RAD51B: variants seen among roughly 807,000 people sequenced by gnomAD.
The protein encoded by RAD51B is RAD51 paralog B.
RAD51B carries 38 observed loss-of-function variants against 42.2 expected under a neutral mutation model. The observed-to-expected ratio is 0.90, with a 90% CI of 0.70 to 1.18. The LOEUF (loss-of-function observed/expected upper bound fraction) is 1.18. Ranked by LOEUF, RAD51B falls within the 50% of genes most tolerant of loss-of-function variation. The probability of loss-of-function intolerance (pLI) is 0.00; values close to 1 mark genes in which losing one functional copy is unlikely to be tolerated. For missense variants in RAD51B, 373 were observed against 400.7 expected, an observed-to-expected ratio of 0.93 and a Z score of 0.59; for synonymous variants, 154 against 145.2, an observed-to-expected ratio of 1.06 and a Z score of -0.43.
intron 7 of RAD51B, among the ~76,000 whole-genome samples, chr14:67,937,200 T>C (rs1163224437): frequency 6.6e-6 from 1 of 152,224 alleles, no homozygotes; most frequent in African/African-American, 2.4e-5. Context: ...AATCCATATG[T>C]AATACAATTA....
At chr14:68,275,872 AT>A (rs943980164) in intron 7 of RAD51B, among the ~76,000 whole-genome samples, 1 of 149,384 alleles carries the variant, frequency 6.7e-6, no homozygotes, top group African/African-American at 2.5e-5. Flanking sequence ...TGTTATTTCT[AT>A]TTTTTTGTCC....
chr14:67,837,796 T>C (rs1344538076), intron 4 of RAD51B, among the ~76,000 whole-genome samples: 1 of 152,218 alleles, frequency 6.6e-6, no homozygotes, highest in Non-Finnish European at 1.5e-5. Flanking sequence ...TTGTGTGTGT[T>C]CGGAACATCC....
chr14:68,007,242 G>A (rs1234419566), intron 7 of RAD51B, among the ~76,000 whole-genome samples: 2 of 152,034 alleles, frequency 1.3e-5, no homozygotes, highest in African/African-American at 4.8e-5. Flanking sequence ...ATATTTCAGT[G>A]TATGGATATA....
chr14:68,650,703 T>A, intron 10 of RAD51B: 1 of 690,292 alleles, frequency 1.4e-6, no homozygotes, highest in South Asian at 1.5e-5. Flanking sequence ...CTATCACCCT[T>A]TAAGAAAGCC....
At chr14:68,199,701 G>A (rs1433493695) in intron 7 of RAD51B, among the ~76,000 whole-genome samples, 1 of 152,208 alleles carries the variant, frequency 6.6e-6, no homozygotes, top group East Asian at 1.9e-4. Flanking sequence ...AATAGAGGAT[G>A]TCTACAGCCA....
chr14:68,670,819 C>CTTTG lies in RAD51B; in HGVS notation c.*11+19963_*11+19964insTTTG, dbSNP rs528174518. 3.3e-4 allele frequency among the ~76,000 whole-genome samples: 51 copies of CTTTG among 152,336 alleles called. No homozygotes were observed. The East Asian group carries it at 9.6e-3, about 29-fold the overall frequency. On this transcript the variant is annotated intron_variant, in intron 11 of 11. Coordinates refer to the RAD51B transcript ENST00000488612. ...GAGACACAAATATCTCATTTCAGTA[C>CTTTG]CAAAGACCCTTTCTTTCTTATCACT...
chr14:68,352,644 C>T (rs191624077), intron 8 of RAD51B, among the ~76,000 whole-genome samples: 230 of 152,366 alleles, frequency 1.5e-3, no homozygotes, highest in Non-Finnish European at 1.8e-3. Flanking sequence ...GGCCTGGACT[C>T]TTCCCCAGAA....
chr14:68,000,280 C>G (rs2075457658), intron 7 of RAD51B: 1 of 152,114 alleles, frequency 6.6e-6, no homozygotes, highest in African/African-American at 2.4e-5. Flanking sequence ...CAAGAATTTG[C>G]TGAATTGCTT....
intron 7 of RAD51B, among the ~76,000 whole-genome samples, chr14:67,966,857 T>C (rs1215742559): frequency 6.6e-6 from 1 of 152,232 alleles, no homozygotes; most frequent in East Asian, 1.9e-4. Flanking sequence ...ACTTCTTACA[T>C]ACAGTATTAT....
intron 7 of RAD51B, among the ~76,000 whole-genome samples, chr14:68,227,768 C>G (rs1020583197): frequency 5.3e-5 from 8 of 152,162 alleles, no homozygotes; most frequent in Admixed American, 2.6e-4. Context: ...ATCCTAAGTT[C>G]AAATCCCTGC....
At chr14:68,194,184 G>A (rs1166881661) in intron 7 of RAD51B, among the ~76,000 whole-genome samples, 1 of 152,178 alleles carries the variant, frequency 6.6e-6, no homozygotes, top group Non-Finnish European at 1.5e-5. Context: ...TTTGAGAAGA[G>A]GCAATTGCTA....
chr14:68,373,817 C>T (rs1010004336), intron 8 of RAD51B, among the ~76,000 whole-genome samples: 49 of 152,182 alleles, frequency 3.2e-4, no homozygotes, highest in African/African-American at 1.1e-3. Flanking sequence ...ATTTTAAGTT[C>T]AGTCTTTGTT....
At chr14:67,828,917 T>C (rs981095354) in intron 3 of RAD51B, among the ~76,000 whole-genome samples, 4 of 152,240 alleles carry the variant, frequency 2.6e-5, no homozygotes, top group African/African-American at 9.6e-5. Context: ...TTGGATAGCA[T>C]GATGCCTGCA....
At chr14:68,343,398 A>G (rs1324931189) in intron 8 of RAD51B, among the ~76,000 whole-genome samples, 2 of 152,198 alleles carry the variant, frequency 1.3e-5, no homozygotes, top group Admixed American at 1.3e-4. Flanking sequence ...TTTTAGGGTC[A>G]GGTCTAAAAT....
intron 7 of RAD51B, among the ~76,000 whole-genome samples, chr14:67,938,216 G>T (rs2045027939): frequency 6.6e-6 from 1 of 152,188 alleles, no homozygotes; most frequent in Admixed American, 6.5e-5. Context: ...GAATAACAAT[G>T]CAGTTCTCCC....
intron 7 of RAD51B, among the ~76,000 whole-genome samples, chr14:68,154,253 G>A (rs1406669395): frequency 6.6e-6 from 1 of 152,082 alleles, no homozygotes; most frequent in Non-Finnish European, 1.5e-5. Flanking sequence ...ACATCCTTTT[G>A]GATCTTGCTT....
At chr14:67,839,366 GA>G (rs2041351275) in intron 4 of RAD51B, among the ~76,000 whole-genome samples, 1 of 151,826 alleles carries the variant, frequency 6.6e-6, no homozygotes, top group African/African-American at 2.4e-5. Context: ...ATGATTATAG[GA>G]CTACTCAGAT....
chr14:68,625,927 G>A (rs1892070046), intron 10 of RAD51B, among the ~76,000 whole-genome samples: 1 of 152,200 alleles, frequency 6.6e-6, no homozygotes, highest in Non-Finnish European at 1.5e-5. Flanking sequence ...GCCACAGTGT[G>A]GGTGAGGTTC....
In RAD51B at chr14:68,180,006, G is replaced by T. The variant is rs1176815906; in HGVS notation, c.757-111878G>T. Among the ~76,000 whole-genome samples, 3 of 152,142 alleles carry T rather than the reference G, an allele frequency of 2.0e-5. No individual in the cohort carries two copies. In the East Asian group the frequency reaches 5.8e-4, roughly 29 times the overall value. ...GTATATTTGTGTATGGGGGGAGAGG[G>T]TGCCCTGTATTCCACCCTTTATTCC... On this transcript the variant is annotated intron_variant, in intron 7 of 10. Transcript: ENST00000471583.
Sources: allele counts gnomAD v4.1 joint callset (sites outside exome capture counted in the v4.1 genomes callset), GRCh38; gene constraint gnomAD v4.1.1; transcripts MANE v1.5; gene names NCBI Gene and HGNC (gene_info 2026-07-23, HGNC 2026-07-21).